The following CNNM1 variants were observed in gnomAD, a reference collection of about 807,000 sequenced individuals.
The protein encoded by CNNM1 is metal transporter CNNM1.
CNNM1 carries 44 observed loss-of-function variants against 78.8 expected under a neutral mutation model. The ratio of observed to expected loss-of-function variants is 0.56; its 90% CI spans 0.44 to 0.72. CNNM1 has a LOEUF of 0.72. Among genes scored for constraint, CNNM1 ranks in the 30% least tolerant of loss-of-function variants. CNNM1 has a pLI of 0.00. For synonymous variants in CNNM1, 584 were observed against 581.5 expected, an observed-to-expected ratio of 1.00 and a Z score of -0.06; for missense variants, 1,101 against 1,292.2, an observed-to-expected ratio of 0.85 and a Z score of 2.27.
At chr10:99,340,279 A>G (rs1362018647) in intron 1 of CNNM1, among the ~76,000 whole-genome samples, 1 of 152,224 alleles carries the variant, frequency 6.6e-6, no homozygotes, top group African/African-American at 2.4e-5. Flanking sequence ...AGGGGCACTG[A>G]AAAAACCTGT....
At chr10:99,364,353 G>A in intron 4 of CNNM1, 64 bp from the exon 5 acceptor site, 1 of 1,236,020 alleles carries the variant, frequency 8.1e-7, no homozygotes, top group Non-Finnish European at 1.2e-6. Flanking sequence ...TAGGATTCGA[G>A]TCAATAGTAG....
intron 10 of CNNM1, among the ~76,000 whole-genome samples, chr10:99,391,007 G>A (rs757264000): frequency 1.3e-5 from 2 of 152,234 alleles, no homozygotes; most frequent in Non-Finnish European, 2.9e-5. Context: ...GCTAGAGAAC[G>A]CAGGTCCCTG....
At chr10:99,378,223 A>C (rs2032037302) in intron 7 of CNNM1, among the ~76,000 whole-genome samples, 1 of 152,062 alleles carries the variant, frequency 6.6e-6, no homozygotes, top group East Asian at 1.9e-4. Flanking sequence ...CGGCCTCCCA[A>C]AGTGCTGGGA....
chr10:99,391,834 G>C lies in CNNM1; in HGVS notation c.*318G>C, dbSNP rs2032481814. 3.7e-6 allele frequency: 1 copy of C among 269,310 alleles called. No homozygotes were observed. The highest frequency in any genetic ancestry group is 2.2e-5 in the African/African-American group (1 of 45,408). 16.7% of individuals were successfully genotyped at this position (269,310 alleles called of 1,614,324 possible). A position where few individuals can be genotyped will look rare whatever the true frequency, so the allele number is the denominator to read the frequency against. ...CTGACAATGCCACTCTGGGACCCCT[G>C]ATGCTCTTCTTTGTTCTTTGGGTCC... is the stretch of plus-strand genomic sequence containing the variant. On this transcript the variant is annotated 3_prime_UTR_variant, in exon 11 of 11. Coordinates refer to ENST00000356713, the MANE Select transcript of CNNM1 (RefSeq NM_020348.3).
chr10:99,387,988 A>G lies in CNNM1; in HGVS notation c.2509A>G (p.Arg837Gly), dbSNP rs2032359119. 1.3e-6 allele frequency: 2 copies of G among 1,592,316 alleles called. No homozygotes were observed. The highest frequency in any genetic ancestry group is 1.7e-6 in the Non-Finnish European group (2 of 1,168,916). Reference protein sequence around the residue: ...DDPAITLLNNRNSLPCSRSDG... With the variant: ...DDPAITLLNNGNSLPCSRSDG... The stretch of plus-strand genomic sequence containing the variant: ...CCCCGCCATCACGCTCCTCAACAAC[A>G]GGAACAGCCTGCCGTGTAAGTCAGC... The change falls in exon 8 of 11, where the codon AGG becomes GGG. Residue 837 changes from arginine to glycine, a missense_variant. Coordinates refer to ENST00000356713, the MANE Select transcript of CNNM1 (RefSeq NM_020348.3).
chr10:99,341,155 C>T (rs1206355744), intron 1 of CNNM1, among the ~76,000 whole-genome samples: 1 of 152,116 alleles, frequency 6.6e-6, no homozygotes, highest in Non-Finnish European at 1.5e-5. Flanking sequence ...GAGCTGAATC[C>T]TAAAGAACGG....
At chr10:99,336,792 C>T (rs191653614) in intron 1 of CNNM1, among the ~76,000 whole-genome samples, 1 of 152,260 alleles carries the variant, frequency 6.6e-6, no homozygotes, top group East Asian at 1.9e-4. Flanking sequence ...CACAGTGAAA[C>T]CCCGTCTCTA....
At chr10:99,338,759 A>G (rs1248447595) in intron 1 of CNNM1, among the ~76,000 whole-genome samples, 1 of 152,188 alleles carries the variant, frequency 6.6e-6, no homozygotes, top group East Asian at 1.9e-4. Flanking sequence ...ACATAATAAC[A>G]ATCTTAATGA....
chr10:99,386,676 G>A (rs112942633), intron 7 of CNNM1, among the ~76,000 whole-genome samples: 4,908 of 152,232 alleles, frequency 0.032, 258 homozygotes, highest in African/African-American at 0.11. Flanking sequence ...AAAATAATGC[G>A]TCTTGTCAGT....
intron 2 of CNNM1, among the ~76,000 whole-genome samples, chr10:99,359,892 G>A (rs2031367674): frequency 3.0e-5 from 3 of 100,664 alleles, no homozygotes; most frequent in African/African-American, 1.1e-4. Flanking sequence ...GAAAGCAAAA[G>A]AGAAAGAACC....
Position 99,364,533 on chromosome 10 carries a change from T to C in CNNM1, c.2128+17T>C. On this transcript the variant is annotated intron_variant, in intron 5 of 10. Transcript: ENST00000356713. ...CTTGCTCAGGTATTCTAGTTTCCATTTGTTTATTGGGAAAGTAATGGGATA... is the reference window on the plus strand; with the variant it reads ...CTTGCTCAGGTATTCTAGTTTCCATCTGTTTATTGGGAAAGTAATGGGATA... 1 of 1,589,254 alleles carries C rather than the reference T, an allele frequency of 6.3e-7. No individual in the cohort carries two copies. Among genetic ancestry groups the C allele is most frequent in the Non-Finnish European group, 8.6e-7 (1 of 1,163,686 alleles).
intron 1 of CNNM1, among the ~76,000 whole-genome samples, chr10:99,350,667 T>C (rs758121829): frequency 2.6e-5 from 4 of 152,208 alleles, no homozygotes; most frequent in Non-Finnish European, 5.9e-5. Flanking sequence ...CCGGGGTATA[T>C]GTGCAGGATG....
chr10:99,334,593 GTGAGC>G (rs1349917185), intron 1 of CNNM1, among the ~76,000 whole-genome samples: 1 of 152,194 alleles, frequency 6.6e-6, no homozygotes, highest in African/African-American at 2.4e-5. Flanking sequence ...GGAGGTTGCA[GTGAGC>G]TGAGATCGCA....
chr10:99,362,040 C>T (rs997553409), intron 3 of CNNM1, among the ~76,000 whole-genome samples, 187 bp from the exon 4 acceptor site: 5 of 152,308 alleles, frequency 3.3e-5, no homozygotes, highest in Non-Finnish European at 7.3e-5. Flanking sequence ...GGGTAAGGCC[C>T]TGAGATGCAC....
intron 1 of CNNM1, among the ~76,000 whole-genome samples, chr10:99,356,538 A>AAGACAGAC (rs199900201): frequency 1.1e-5 from 1 of 87,652 alleles, no homozygotes; most frequent in African/African-American, 3.3e-5. Flanking sequence ...GAAAGAAAGA[A>AAGACAGAC]AGACAGACAG....
At chr10:99,365,131 T>C in intron 6 of CNNM1, 129 bp downstream of exon 6, 1 of 903,122 alleles carries the variant, frequency 1.1e-6, no homozygotes, top group East Asian at 2.6e-5. Flanking sequence ...CCCTTTGTAA[T>C]GTTCTGCCAG....
chr10:99,358,400 T>C (rs1482776796), intron 2 of CNNM1, among the ~76,000 whole-genome samples: 1 of 152,214 alleles, frequency 6.6e-6, no homozygotes, highest in Admixed American at 6.5e-5. Context: ...TCTAAGTCCA[T>C]GGGAGTCCCT....
In CNNM1 at chr10:99,377,401, G is replaced by T. The variant is rs377423950; in HGVS notation, c.2340+183G>T. On this transcript the variant is annotated intron_variant, in intron 7 of 10. Coordinates refer to ENST00000356713, the MANE Select transcript of CNNM1 (RefSeq NM_020348.3). ...GGCTGTTTTCAGTAAGCTTTAGGACGGTTCATTATTTGTCACTCTTTTAAC... is the reference window on the plus strand; with the variant it reads ...GGCTGTTTTCAGTAAGCTTTAGGACTGTTCATTATTTGTCACTCTTTTAAC... The T allele has an allele frequency of 2.4e-5, 12 of 491,296 alleles. No homozygotes were observed. In the South Asian group the frequency reaches 4.1e-4, roughly 17 times the overall value. 30.4% of individuals were successfully genotyped at this position (491,296 alleles called of 1,614,324 possible). A position where few individuals can be genotyped will look rare whatever the true frequency, so the allele number is the denominator to read the frequency against.
At chr10:99,343,833 G>A (rs951905429) in intron 1 of CNNM1, among the ~76,000 whole-genome samples, 1 of 151,916 alleles carries the variant, frequency 6.6e-6, no homozygotes, top group African/African-American at 2.4e-5. Context: ...TCCTGCCTCA[G>A]CCTCCTGAGT....
Sources: allele counts gnomAD v4.1 joint callset (sites outside exome capture counted in the v4.1 genomes callset), GRCh38; gene constraint gnomAD v4.1.1; transcripts MANE v1.5; gene names NCBI Gene and HGNC (gene_info 2026-07-23, HGNC 2026-07-21).